Variants in SVIL observed in about 807,000 individuals in gnomAD.
The protein encoded by SVIL is supervillin.
Under a neutral mutation model 240.4 loss-of-function variants are expected in SVIL, and 101 were observed. The observed-to-expected ratio is 0.42, with a 90% CI of 0.36 to 0.50. The LOEUF (loss-of-function observed/expected upper bound fraction) is 0.50, where lower values mean the gene tolerates loss of function less well. SVIL is among the 20% of genes least tolerant of loss of function. The pLI is 0.01. For missense variants in SVIL, 2,512 were observed against 2,818.7 expected (o/e 0.89, Z 2.46); for synonymous variants, 999 against 1,100.0 (o/e 0.91, Z 1.82).
chr10:29,597,010 C>A (rs1956618407), intron 1 of SVIL, among the ~76,000 whole-genome samples: 1 of 152,160 alleles, frequency 6.6e-6, no homozygotes, highest in Non-Finnish European at 1.5e-5. Context: ...GCCCCCCTAC[C>A]AGGAATGTCT....
chr10:29,725,028 C>CAAAAAAAAAAAAAAAAAAAAAA (rs1187861054), intron 1 of SVIL, among the ~76,000 whole-genome samples: 1 of 40,942 alleles, frequency 2.4e-5, no homozygotes, highest in East Asian at 9.9e-4. Flanking sequence ...GACCCGGTCT[C>CAAAAAAAAAAAAAAAAAAAAAA]AAAAAAAAAA....
chr10:29,665,435 T>C (rs1240961413), intron 2 of SVIL, among the ~76,000 whole-genome samples: 3 of 152,066 alleles, frequency 2.0e-5, no homozygotes, highest in East Asian at 3.9e-4. Context: ...CACATTTTCA[T>C]GAAAATAAAT....
At chr10:29,559,459 A>G (rs1954253447) in intron 3 of SVIL, among the ~76,000 whole-genome samples, 1 of 152,242 alleles carries the variant, frequency 6.6e-6, no homozygotes, top group Admixed American at 6.5e-5. Flanking sequence ...ACAAAAAAGA[A>G]TAAGAATGCT....
intron 17 of SVIL, among the ~76,000 whole-genome samples, chr10:29,499,522 C>A (rs993666771): frequency 1.3e-5 from 2 of 152,130 alleles, no homozygotes; most frequent in African/African-American, 4.8e-5. Context: ...CACTGGAGCA[C>A]CAGAACAATC....
At chr10:29,570,627 A>G (rs1340427901) in intron 1 of SVIL, among the ~76,000 whole-genome samples, 1 of 152,242 alleles carries the variant, frequency 6.6e-6, no homozygotes, top group Non-Finnish European at 1.5e-5. Context: ...ATAATTTAGT[A>G]TGTATAGCAT....
intron 20 of SVIL, among the ~76,000 whole-genome samples, chr10:29,494,402 G>A (rs530811695): frequency 6.6e-6 from 1 of 152,262 alleles, no homozygotes; most frequent in South Asian, 2.1e-4. Context: ...GACTCCCAGC[G>A]CCTAGTATTT....
intron 1 of SVIL, among the ~76,000 whole-genome samples, chr10:29,596,253 T>C (rs1956584446): frequency 6.6e-6 from 1 of 152,174 alleles, no homozygotes; most frequent in South Asian, 2.1e-4. Context: ...GGAGGATTGC[T>C]TGAGGCCAGG....
chr10:29,708,892 C>T (rs969061346), intron 1 of SVIL, among the ~76,000 whole-genome samples: 2 of 151,792 alleles, frequency 1.3e-5, no homozygotes, highest in Non-Finnish European at 2.9e-5. Flanking sequence ...ACAAAAAAAT[C>T]AAACAAAAAA....
intron 17 of SVIL, among the ~76,000 whole-genome samples, chr10:29,512,425 A>T (rs531250986): frequency 5.9e-5 from 9 of 152,384 alleles, no homozygotes; most frequent in African/African-American, 1.9e-4. Context: ...TAAAGGCTTT[A>T]ATAACACATG....
chr10:29,669,023 C>T (rs895257752), intron 2 of SVIL, among the ~76,000 whole-genome samples: 38 of 152,140 alleles, frequency 2.5e-4, no homozygotes, highest in Non-Finnish European at 3.7e-4. Flanking sequence ...ATGGAGCTCA[C>T]ATTCTTTTGG....
chr10:29,574,636 C>T (rs1174455846), intron 1 of SVIL, among the ~76,000 whole-genome samples: 1 of 152,260 alleles, frequency 6.6e-6, no homozygotes, highest in East Asian at 1.9e-4. Context: ...CGTGGAAGTG[C>T]CAGGCTGAAA....
chr10:29,698,611 A>T (rs1028734681), intron 1 of SVIL, among the ~76,000 whole-genome samples: 1 of 151,330 alleles, frequency 6.6e-6, no homozygotes, highest in Non-Finnish European at 1.5e-5. Flanking sequence ...TGTTCATGTT[A>T]AAAGCCTTGA....
At chr10:29,632,931 G>A (rs901804405) in intron 1 of SVIL, among the ~76,000 whole-genome samples, 1 of 152,116 alleles carries the variant, frequency 6.6e-6, no homozygotes, top group African/African-American at 2.4e-5. Context: ...TGATGCCCTG[G>A]ATCCTCAAGA....
intron 31 of SVIL, 151 bp from the exon 32 acceptor site, chr10:29,470,634 G>T: frequency 1.1e-6 from 1 of 876,464 alleles, no homozygotes. Flanking sequence ...GCACTGCACA[G>T]GGAGCCCTGT....
chr10:29,541,697 T>C (rs1282208322), intron 6 of SVIL, among the ~76,000 whole-genome samples: 4 of 152,144 alleles, frequency 2.6e-5, no homozygotes, highest in African/African-American at 7.2e-5. Flanking sequence ...GAGGCTGGAT[T>C]GGCATCCCCT....
intron 3 of SVIL, among the ~76,000 whole-genome samples, chr10:29,561,388 T>C (rs915289609): frequency 3.3e-5 from 5 of 152,152 alleles, no homozygotes; most frequent in Admixed American, 1.3e-4. Flanking sequence ...TTGTCTGCGG[T>C]ATTATGCATC....
At chr10:29,535,732 C>A (rs1209537984) in intron 7 of SVIL, among the ~76,000 whole-genome samples, 2 of 151,966 alleles carry the variant, frequency 1.3e-5, no homozygotes, top group African/African-American at 4.8e-5. Flanking sequence ...AAGGGAAAAG[C>A]AAAAGGTCAA....
chr10:29,524,754 A>G, intron 13 of SVIL, 39 bp from the exon 14 acceptor site: 1 of 1,605,842 alleles, frequency 6.2e-7, no homozygotes, highest in Non-Finnish European at 8.5e-7. Context: ...TATACCAACA[A>G]ACAAAAGCAC....
chr10:29,684,446 G>A (rs1231522039), intron 2 of SVIL, among the ~76,000 whole-genome samples: 2 of 152,138 alleles, frequency 1.3e-5, no homozygotes, highest in East Asian at 1.9e-4. Flanking sequence ...ACAACTTGGG[G>A]GGTGGGGGCT....
Sources: allele counts gnomAD v4.1 joint callset (sites outside exome capture counted in the v4.1 genomes callset), GRCh38; gene constraint gnomAD v4.1.1; transcripts MANE v1.5; gene names NCBI Gene and HGNC (gene_info 2026-07-23, HGNC 2026-07-21).